Variants in ATF7 observed in about 807,000 individuals in gnomAD.
ATF7 encodes the protein activating transcription factor 7.
ATF7 carries 10 observed loss-of-function variants against 50.4 expected under a neutral mutation model. The ratio of observed to expected loss-of-function variants is 0.20; its 90% CI spans 0.12 to 0.34. The LOEUF (loss-of-function observed/expected upper bound fraction) is 0.34. Ranked by LOEUF, ATF7 falls within the 10% of genes least tolerant of loss-of-function variation. The probability of loss-of-function intolerance (pLI) is 1.00; values close to 1 mark genes in which losing one functional copy is unlikely to be tolerated. For synonymous variants in ATF7, 201 were observed against 226.4 expected (o/e 0.89, Z 1.01); for missense variants, 465 against 613.9 (o/e 0.76, Z 2.56).
chr12:53,597,039 T>C (rs893069146), intron 2 of ATF7, among the ~76,000 whole-genome samples: 5 of 152,136 alleles, frequency 3.3e-5, no homozygotes, highest in Non-Finnish European at 5.9e-5. Flanking sequence ...AGCAGGGATA[T>C]TGCTTTCCCT....
intron 11 of ATF7, among the ~76,000 whole-genome samples, chr12:53,518,416 C>G (rs1225913277): frequency 6.6e-6 from 1 of 152,196 alleles, no homozygotes; most frequent in Non-Finnish European, 1.5e-5. Flanking sequence ...ACACAACTAC[C>G]TGAGCTACAT....
At chr12:53,522,949 T>A (rs2137331799) in intron 11 of ATF7, among the ~76,000 whole-genome samples, 1 of 152,356 alleles carries the variant, frequency 6.6e-6, no homozygotes, top group Middle Eastern at 3.4e-3. Flanking sequence ...TGACCTAATC[T>A]GAGTGCAGAG....
At chr12:53,558,307 G>A (rs1247549169) in intron 2 of ATF7, among the ~76,000 whole-genome samples, 3 of 152,178 alleles carry the variant, frequency 2.0e-5, no homozygotes, top group African/African-American at 7.2e-5. Flanking sequence ...TGGTGCACAG[G>A]ACAGCCTCCC....
At chr12:53,542,405 C>T (rs543569118) in intron 4 of ATF7, among the ~76,000 whole-genome samples, 1 of 149,916 alleles carries the variant, frequency 6.7e-6, no homozygotes, top group Admixed American at 6.6e-5. Flanking sequence ...CCAGCCTGGG[C>T]AACAGAGCAA....
intron 2 of ATF7, among the ~76,000 whole-genome samples, chr12:53,577,747 A>G (rs1012518806): frequency 1.1e-4 from 16 of 151,884 alleles, no homozygotes; most frequent in Admixed American, 7.9e-4. Flanking sequence ...AAAGAAAGAA[A>G]GAAAGAAACA....
chr12:53,585,836 A>G (rs1321045053), intron 2 of ATF7, among the ~76,000 whole-genome samples: 1 of 152,092 alleles, frequency 6.6e-6, no homozygotes, highest in Non-Finnish European at 1.5e-5. Flanking sequence ...ACTCCATTCT[A>G]CTAGATAAAG....
chr12:53,578,518 A>G (rs1942222955), intron 2 of ATF7, among the ~76,000 whole-genome samples: 1 of 151,846 alleles, frequency 6.6e-6, no homozygotes, highest in Non-Finnish European at 1.5e-5. Flanking sequence ...ACGGTGGCTC[A>G]TGCCTGTAAT....
intron 3 of ATF7, among the ~76,000 whole-genome samples, chr12:53,549,908 G>A (rs1292059567): frequency 6.6e-6 from 1 of 152,094 alleles, no homozygotes; most frequent in Admixed American, 6.6e-5. Flanking sequence ...AGTAGAGACG[G>A]GGTTTCACCT....
intron 2 of ATF7, among the ~76,000 whole-genome samples, chr12:53,557,777 A>G (rs1940846010): frequency 6.6e-6 from 1 of 152,244 alleles, no homozygotes; most frequent in Admixed American, 6.5e-5. Flanking sequence ...ACACATAGCT[A>G]TTGAGTACTT....
chr12:53,594,232 G>A (rs1943061253), intron 2 of ATF7, among the ~76,000 whole-genome samples: 1 of 152,200 alleles, frequency 6.6e-6, no homozygotes, highest in African/African-American at 2.4e-5. Flanking sequence ...GAAGAGCTGA[G>A]ATGCAAAGAA....
chr12:53,578,374 A>T (rs1942215390), intron 2 of ATF7, among the ~76,000 whole-genome samples: 1 of 151,630 alleles, frequency 6.6e-6, no homozygotes, highest in African/African-American at 2.4e-5. Flanking sequence ...TCTCAAAAAA[A>T]AAAAAAAAAA....
Position 53,614,872 on chromosome 12 carries a change from G to A in ATF7, c.-22+11407C>T, listed in dbSNP as rs151019339. On this transcript the variant is annotated intron_variant, in intron 1 of 11. Transcript: ENST00000420353. The stretch of plus-strand genomic sequence containing the variant: ...AAGGCAGGCGGATCGCCTGAGGTCC[G>A]GAGTTCAAGACCAGCTTGGCCAGCA... Among the ~76,000 whole-genome samples, 321 of 152,266 alleles carry A rather than the reference G, an allele frequency of 2.1e-3. 1 individual carries two copies. Among genetic ancestry groups the A allele is most frequent in the Non-Finnish European group, 3.7e-3 (254 of 68,032 alleles).
Position 53,531,724 on chromosome 12 carries a change from A to G in ATF7, c.927+20T>C, listed in dbSNP as rs1938907694. 1 of 1,601,482 alleles carries G rather than the reference A, an allele frequency of 6.2e-7. No individual in the cohort carries two copies. Among genetic ancestry groups the G allele is most frequent in the Non-Finnish European group, 8.5e-7 (1 of 1,174,116 alleles). ...AAGATACGTCATAAAGATATGACAT[A>G]AAGAGTAAGAGCCACTGACCTGTGG... On this transcript the variant is annotated intron_variant, in intron 9 of 11. Coordinates refer to ENST00000420353, the MANE Select transcript of ATF7 (RefSeq NM_006856.3).
intron 2 of ATF7, among the ~76,000 whole-genome samples, chr12:53,573,340 C>G (rs1346737229): frequency 6.6e-6 from 1 of 152,094 alleles, no homozygotes; most frequent in Non-Finnish European, 1.5e-5. Context: ...CACAGATACT[C>G]AAGTCCCTGA....
chr12:53,620,373 G>A (rs1397872015), intron 1 of ATF7, among the ~76,000 whole-genome samples: 1 of 151,386 alleles, frequency 6.6e-6, no homozygotes, highest in Non-Finnish European at 1.5e-5. Flanking sequence ...TCAGGAGATC[G>A]AGACCATCCT....
intron 4 of ATF7, 145 bp downstream of exon 4, chr12:53,543,185 G>A: frequency 1.3e-6 from 2 of 1,538,220 alleles, no homozygotes; most frequent in South Asian, 1.2e-5. Flanking sequence ...ACTGGGATTA[G>A]TGACTACTAT....
intron 3 of ATF7, among the ~76,000 whole-genome samples, chr12:53,548,282 C>T (rs910690006): frequency 2.0e-5 from 3 of 151,858 alleles, no homozygotes; most frequent in African/African-American, 7.3e-5. Flanking sequence ...ACTGGGATTA[C>T]AGGTGTGAGC....
intron 9 of ATF7, among the ~76,000 whole-genome samples, chr12:53,530,053 C>T (rs1428954078): frequency 6.6e-6 from 1 of 152,128 alleles, no homozygotes; most frequent in Non-Finnish European, 1.5e-5. Context: ...ATTTATAATA[C>T]AAATTTTAAA....
intron 2 of ATF7, among the ~76,000 whole-genome samples, chr12:53,599,051 A>T (rs1565587014): frequency 6.6e-6 from 1 of 152,130 alleles, no homozygotes; most frequent in African/African-American, 2.4e-5. Context: ...ATTTATTTTG[A>T]GACAGTGTCT....
Sources: allele counts gnomAD v4.1 joint callset (sites outside exome capture counted in the v4.1 genomes callset), GRCh38; gene constraint gnomAD v4.1.1; transcripts MANE v1.5; gene names NCBI Gene and HGNC (gene_info 2026-07-23, HGNC 2026-07-21).